SSBP3: variants seen among roughly 807,000 people sequenced by gnomAD.
SSBP3 encodes the protein single stranded DNA binding protein 3.
Under a neutral mutation model 69.6 loss-of-function variants are expected in SSBP3, and 5 were observed. The ratio of observed to expected loss-of-function variants is 0.07; its 90% CI spans 0.04 to 0.15. The LOEUF is 0.15. SSBP3 is among the 10% of genes least tolerant of loss of function. The pLI, the probability that SSBP3 is intolerant of heterozygous loss-of-function variation, is 1.00. For missense variants in SSBP3, 312 were observed against 534.0 expected, an observed-to-expected ratio of 0.58 and a Z score of 4.10; for synonymous variants, 196 against 193.4, an observed-to-expected ratio of 1.01 and a Z score of -0.11.
chr1:54,231,106 C>T (rs1484098838), intron 14 of SSBP3, among the ~76,000 whole-genome samples: 1 of 152,160 alleles, frequency 6.6e-6, no homozygotes, highest in African/African-American at 2.4e-5. Context: ...TCTGATCTTT[C>T]GAGGAAACGT....
intron 4 of SSBP3, among the ~76,000 whole-genome samples, chr1:54,325,081 AGAG>A (rs1569813223): frequency 6.6e-6 from 1 of 152,204 alleles, no homozygotes; most frequent in Non-Finnish European, 1.5e-5. Flanking sequence ...AAACAAACTA[AGAG>A]AGTAGAGCCA....
At chr1:54,233,136 A>T (rs1193398768) in intron 14 of SSBP3, among the ~76,000 whole-genome samples, 1 of 147,680 alleles carries the variant, frequency 6.8e-6, no homozygotes, top group Non-Finnish European at 1.5e-5. Context: ...GGAAGTGAGG[A>T]GCGCCTCTTC....
intron 4 of SSBP3, among the ~76,000 whole-genome samples, chr1:54,374,955 G>A (rs566576993): frequency 3.3e-5 from 5 of 152,220 alleles, no homozygotes; most frequent in African/African-American, 7.2e-5. Flanking sequence ...AGAGCATCCC[G>A]TGGGAAGATG....
At chr1:54,328,954 C>T (rs1288051828) in intron 4 of SSBP3, among the ~76,000 whole-genome samples, 1 of 152,200 alleles carries the variant, frequency 6.6e-6, no homozygotes, top group Non-Finnish European at 1.5e-5. Flanking sequence ...GCATTCTCCT[C>T]CTCTTCGTCT....
intron 4 of SSBP3, among the ~76,000 whole-genome samples, chr1:54,281,906 G>A (rs777956409): frequency 2.6e-5 from 4 of 151,930 alleles, no homozygotes; most frequent in Admixed American, 6.6e-5. Context: ...AGACCGGCGC[G>A]GGCAACATAG....
At chr1:54,405,930 GC>G in intron 1 of SSBP3, 22 bp downstream of exon 1, 1 of 1,209,276 alleles carries the variant, frequency 8.3e-7, no homozygotes, top group Non-Finnish European at 1.1e-6. Flanking sequence ...CGGCGCGGCC[GC>G]CACTTGCAAA....
intron 4 of SSBP3, among the ~76,000 whole-genome samples, chr1:54,353,005 C>T (rs998869595): frequency 6.6e-6 from 1 of 152,192 alleles, no homozygotes; most frequent in Non-Finnish European, 1.5e-5. Context: ...AGACAGGAGG[C>T]AGTAGGTGAC....
intron 4 of SSBP3, among the ~76,000 whole-genome samples, chr1:54,360,247 A>C (rs763276452): frequency 3.5e-4 from 53 of 152,190 alleles, no homozygotes; most frequent in Non-Finnish European, 5.1e-4. Flanking sequence ...AGCTGTCTAG[A>C]AGCTTAGGGA....
intron 4 of SSBP3, among the ~76,000 whole-genome samples, chr1:54,284,475 A>T (rs1461133400): frequency 6.6e-6 from 1 of 151,836 alleles, no homozygotes; most frequent in Non-Finnish European, 1.5e-5. Context: ...AAAAAAAATT[A>T]AAATTATTAT....
At chr1:54,281,582 G>T in intron 4 of SSBP3, 55 bp from the exon 5 acceptor site, 1 of 1,485,452 alleles carries the variant, frequency 6.7e-7, no homozygotes. Flanking sequence ...CAGAGACACA[G>T]AGTTCTGACC....
intron 4 of SSBP3, among the ~76,000 whole-genome samples, chr1:54,360,189 T>A (rs1646929308): frequency 6.6e-6 from 1 of 152,198 alleles, no homozygotes; most frequent in Admixed American, 6.5e-5. Flanking sequence ...CCAAAAAACA[T>A]TATACTAAAA....
chr1:54,310,599 C>T (rs910754937), intron 4 of SSBP3, among the ~76,000 whole-genome samples: 1 of 152,126 alleles, frequency 6.6e-6, no homozygotes, highest in Non-Finnish European at 1.5e-5. Flanking sequence ...TCCTCCCTCC[C>T]CCACCCTCAC....
At chr1:54,351,878 T>TCCAC (rs1646786008) in intron 4 of SSBP3, among the ~76,000 whole-genome samples, 1 of 152,130 alleles carries the variant, frequency 6.6e-6, no homozygotes, top group Non-Finnish European at 1.5e-5. Context: ...TATCTATCCA[T>TCCAC]CCACCCACCC....
Position 54,281,543 on chromosome 1 carries a change from G to C in SSBP3, c.277-16C>G. 2 of 1,555,050 alleles carry C rather than the reference G, an allele frequency of 1.3e-6. No individual in the cohort carries two copies. The highest frequency in any genetic ancestry group is 1.7e-6 in the Non-Finnish European group (2 of 1,148,718). ...CTGCTGCACTCTGTGGAGACAACAAGGCAGAGAGTTAGTGGCCAAACCCAC... is the reference window on the plus strand; with the variant it reads ...CTGCTGCACTCTGTGGAGACAACAACGCAGAGAGTTAGTGGCCAAACCCAC... On this transcript the variant is annotated splice_polypyrimidine_tract_variant and intron_variant, in intron 4 of 17. Coordinates refer to ENST00000610401, the Ensembl canonical transcript of SSBP3.
intron 4 of SSBP3, among the ~76,000 whole-genome samples, chr1:54,352,192 C>T (rs1010759339): frequency 1.4e-5 from 2 of 147,138 alleles, no homozygotes; most frequent in African/African-American, 2.5e-5. Context: ...ACAGTCCCCT[C>T]AGTCTGAAGA....
At chr1:54,234,799 T>C (rs1260355048) in intron 14 of SSBP3, among the ~76,000 whole-genome samples, 1 of 150,376 alleles carries the variant, frequency 6.6e-6, no homozygotes, top group African/African-American at 2.4e-5. Flanking sequence ...AGTCTGGCTC[T>C]GTCATCCAGG....
chr1:54,328,194 G>A (rs1422360605), intron 4 of SSBP3, among the ~76,000 whole-genome samples: 1 of 152,084 alleles, frequency 6.6e-6, no homozygotes, highest in Non-Finnish European at 1.5e-5. Context: ...AAGCAACAGG[G>A]CCCGCAGCGA....
intron 7 of SSBP3, among the ~76,000 whole-genome samples, chr1:54,256,047 G>C (rs991568128): frequency 1.8e-4 from 27 of 152,052 alleles, no homozygotes; most frequent in African/African-American, 6.0e-4. Context: ...CTGCACTCCA[G>C]CCTGGGAGAC....
intron 4 of SSBP3, among the ~76,000 whole-genome samples, chr1:54,376,908 A>G (rs1326695476): frequency 6.6e-6 from 1 of 152,194 alleles, no homozygotes; most frequent in Non-Finnish European, 1.5e-5. Flanking sequence ...AGTCATGACC[A>G]TGACAATGAT....
Sources: gnomAD v4.1 joint callset for allele counts (sites outside exome capture counted in the v4.1 genomes callset) on GRCh38, gnomAD v4.1.1 for gene constraint, MANE v1.5 for transcripts, NCBI Gene and HGNC (gene_info 2026-07-23, HGNC 2026-07-21) for gene names.